Variants in B4GALNT3 observed in about 807,000 individuals in gnomAD.
The protein encoded by B4GALNT3 is beta-1,4-N-acetyl-galactosaminyltransferase 3.
In B4GALNT3, 86 loss-of-function variants were observed where a neutral mutation model predicts 120.2. That is an observed-to-expected ratio of 0.72 (90% CI 0.60 to 0.86). The LOEUF (loss-of-function observed/expected upper bound fraction) is 0.86, where lower values mean the gene tolerates loss of function less well. B4GALNT3 is among the 40% of genes least tolerant of loss of function. B4GALNT3 has a pLI of 0.00. For synonymous variants in B4GALNT3, 518 were observed against 510.4 expected, an observed-to-expected ratio of 1.01 and a Z score of -0.20; for missense variants, 1,167 against 1,298.9, an observed-to-expected ratio of 0.90 and a Z score of 1.56.
At chr12:464,713 G>A (rs1220047781) in intron 1 of B4GALNT3, among the ~76,000 whole-genome samples, 1 of 152,152 alleles carries the variant, frequency 6.6e-6, no homozygotes, top group East Asian at 1.9e-4. Context: ...CAGAAGGATG[G>A]CATGTGCTGG....
intron 16 of B4GALNT3, 123 bp downstream of exon 16, chr12:557,884 T>G (rs1947176762): frequency 6.8e-7 from 1 of 1,467,858 alleles, no homozygotes; most frequent in East Asian, 2.3e-5. Flanking sequence ...TCTCCAACTT[T>G]TCCCAGAGGG....
At chr12:552,587 T>G (rs898733800) in intron 13 of B4GALNT3, 59 bp downstream of exon 13, 12 of 1,545,494 alleles carry the variant, frequency 7.8e-6, no homozygotes, top group South Asian at 5.7e-5. Flanking sequence ...ATGGTCTGTT[T>G]CCAGGGGATG....
chr12:512,806 T>TCCGC (rs1423783382), intron 1 of B4GALNT3, among the ~76,000 whole-genome samples: 1 of 114,052 alleles, frequency 8.8e-6, no homozygotes, highest in Non-Finnish European at 1.8e-5. Flanking sequence ...CCTTCCACCT[T>TCCGC]CTTCCACCTT....
Position 499,164 on chromosome 12 carries a change from C to A in B4GALNT3, c.170-36002C>A, listed in dbSNP as rs556516701. 2.6e-5 allele frequency among the ~76,000 whole-genome samples: 4 copies of A among 152,342 alleles called. No homozygotes were observed. The East Asian group carries it at 7.7e-4, about 29-fold the overall frequency. On this transcript the variant is annotated intron_variant, in intron 1 of 19. Coordinates refer to ENST00000266383, the MANE Select transcript of B4GALNT3 (RefSeq NM_173593.4). ...CCTTCAGGAAGTTTGAGCTGGTGAG[C>A]AGGTGGAATCATGGAAATTGCCTAC...
chr12:506,547 G>A (rs1946497903), intron 1 of B4GALNT3, among the ~76,000 whole-genome samples: 1 of 152,056 alleles, frequency 6.6e-6, no homozygotes, highest in South Asian at 2.1e-4. Flanking sequence ...AATTCAATAT[G>A]CCTTCTAAGT....
At chr12:555,925 A>G (rs772146944) in intron 14 of B4GALNT3, among the ~76,000 whole-genome samples, 4 of 151,998 alleles carry the variant, frequency 2.6e-5, no homozygotes, top group Non-Finnish European at 5.9e-5. Flanking sequence ...CTGGAACTAC[A>G]GGTGCCCACC....
chr12:510,428 C>A (rs576311132), intron 1 of B4GALNT3, among the ~76,000 whole-genome samples: 1 of 117,006 alleles, frequency 8.5e-6, no homozygotes, highest in Admixed American at 7.7e-5. Context: ...CCTACTGTGA[C>A]CTGAGAGACA....
At chr12:504,498 T>C (rs1308070556) in intron 1 of B4GALNT3, among the ~76,000 whole-genome samples, 2 of 150,074 alleles carry the variant, frequency 1.3e-5, no homozygotes, top group African/African-American at 4.9e-5. Context: ...CTCACTCTGT[T>C]GCCCAGGCTG....
chr12:495,727 G>T (rs894151149), intron 1 of B4GALNT3, among the ~76,000 whole-genome samples: 2 of 152,122 alleles, frequency 1.3e-5, no homozygotes, highest in South Asian at 4.1e-4. Context: ...ACTCTGCTGG[G>T]CTCAGGGGTA....
chr12:492,263 G>A (rs1946348948), intron 1 of B4GALNT3, among the ~76,000 whole-genome samples: 1 of 152,138 alleles, frequency 6.6e-6, no homozygotes, highest in Non-Finnish European at 1.5e-5. Flanking sequence ...TAATAAGCAA[G>A]TATAGAAGGG....
At position 556,796 on chromosome 12, in the gene B4GALNT3, A is replaced by G. The variant is rs780277342; in HGVS notation, c.2310A>G (p.Gln770=). The change falls in exon 15 of 20, where the codon CAA becomes CAG. Residue 770 remains glutamine, a synonymous_variant. Coordinates refer to ENST00000266383, the MANE Select transcript of B4GALNT3 (RefSeq NM_173593.4). The part of the protein sequence containing the change: ...RRRQVLNTRA[Q]EPKLCWPQGF... ...GACAGGTCCTGAATACCCGGGCCCA[A>G]GAGCCCAAGCTGTGCTGGCCTCAGG... The G allele has an allele frequency of 6.2e-7, 1 of 1,613,884 alleles. No individual in the cohort carries two copies. Among genetic ancestry groups the G allele is most frequent in the Admixed American group, 1.7e-5 (1 of 60,024 alleles).
chr12:486,205 C>CTTT (rs59345776), intron 1 of B4GALNT3, among the ~76,000 whole-genome samples: 56 of 97,958 alleles, frequency 5.7e-4, no homozygotes, highest in Non-Finnish European at 8.8e-4. Context: ...CCAAAATATT[C>CTTT]TTTTTTTTTT....
chr12:553,509 C>T lies in B4GALNT3; in HGVS notation c.1586C>T (p.Ser529Phe). 1 of 1,614,150 alleles carries T rather than the reference C, an allele frequency of 6.2e-7. No homozygotes were observed. Among genetic ancestry groups the T allele is most frequent in the Non-Finnish European group, 8.5e-7 (1 of 1,180,034 alleles). ...GAGCCCAGCCAAGATTCACCTCATT[C>T]CGACAAGTGGCCTCCTGGGCACCCT... ...SPEPSQDSPH[S>F]DKWPPGHPVK... Residue 529 changes from serine to phenylalanine, a missense_variant, in exon 14 of 20, where the codon TCC becomes TTC. Coordinates refer to ENST00000266383, the MANE Select transcript of B4GALNT3 (RefSeq NM_173593.4).
chr12:464,352 G>A (rs538470202), intron 1 of B4GALNT3, among the ~76,000 whole-genome samples: 13 of 152,288 alleles, frequency 8.5e-5, no homozygotes, highest in African/African-American at 3.1e-4. Flanking sequence ...ACTAGAGGCC[G>A]GGGGTGGTGG....
rs1555158450 is a variant in B4GALNT3, at chr12:546,192, C to CAGGGGGTGTGAGAGGAGGGAGG, written c.640-453_640-432dup. On this transcript the variant is annotated intron_variant, in intron 6 of 19. Transcript: ENST00000266383. ...GAAAGAGGGAGCAGTGAGAAGTGGG[C>CAGGGGGTGTGAGAGGAGGGAGG]AGGGGGTGTGAGAGGAGGGAGGGGG... 2.3e-3 allele frequency among the ~76,000 whole-genome samples: 203 copies of CAGGGGGTGTGAGAGGAGGGAGG among 89,426 alleles called. No individual in the cohort carries two copies. The Middle Eastern group carries it at 0.025, about 11-fold the overall frequency. 58.7% of individuals were successfully genotyped at this position (89,426 alleles called of 152,430 possible).
In B4GALNT3 at chr12:545,269, G is replaced by T. The variant is rs1946978858; in HGVS notation, c.539-100G>T. The T allele has an allele frequency of 2.0e-6, 3 of 1,501,700 alleles. No individual in the cohort carries two copies. The East Asian group carries it at 7.4e-5, about 37-fold the overall frequency. 93.0% of individuals were successfully genotyped at this position (1,501,700 alleles called of 1,614,324 possible). On this transcript the variant is annotated intron_variant, in intron 5 of 19. Transcript: ENST00000266383. ...ACAGAGAGGGAAGCCACAGCATCAAGCACTGAAGGGAATTTAATCGCTAAG... is the reference window on the plus strand; with the variant it reads ...ACAGAGAGGGAAGCCACAGCATCAATCACTGAAGGGAATTTAATCGCTAAG...
rs769337437 is a variant in B4GALNT3, at chr12:558,632, A to G, written c.2732A>G (p.His911Arg). Reference sequence around the variant, plus strand: ...TTTGCCCCCATGGTGATGAGGCTGCATTGTGGGGCCACCCCCCAGTGGCCT... The same window carrying G: ...TTTGCCCCCATGGTGATGAGGCTGCGTTGTGGGGCCACCCCCCAGTGGCCT... ...MAFAPMVMRL[H>R]CGATPQWPEG... The change falls in exon 18 of 20, where the codon CAT becomes CGT. Residue 911 changes from histidine (H) to arginine (R), a missense_variant. Around this residue, in one of 3 missense-constraint regions of B4GALNT3, gnomAD observed 983 missense variants for 1,102.5 expected, o/e 0.89. Transcript: ENST00000266383. 1.9e-6 allele frequency: 3 copies of G among 1,613,852 alleles called. No individual in the cohort carries two copies. The highest frequency in any genetic ancestry group is 2.5e-6 in the Non-Finnish European group (3 of 1,179,976).
intron 1 of B4GALNT3, among the ~76,000 whole-genome samples, chr12:498,837 A>G (rs1215967831): frequency 6.6e-6 from 1 of 152,208 alleles, no homozygotes; most frequent in Non-Finnish European, 1.5e-5. Context: ...AGAGAGCACC[A>G]TTCTCGTGCA....
At chr12:500,572 G>A (rs1042991996) in intron 1 of B4GALNT3, among the ~76,000 whole-genome samples, 15 of 152,080 alleles carry the variant, frequency 9.9e-5, no homozygotes, top group South Asian at 2.1e-4. Context: ...ATGGACATTC[G>A]GCTGGTACAC....
Sources: allele counts gnomAD v4.1 joint callset (sites outside exome capture counted in the v4.1 genomes callset), GRCh38; gene constraint gnomAD v4.1.1; regional missense constraint gnomAD v4.1.1; transcripts MANE v1.5; gene names NCBI Gene and HGNC (gene_info 2026-07-23, HGNC 2026-07-21).